GPR143: variants seen among roughly 807,000 people sequenced by gnomAD.
GPR143 encodes G-protein coupled receptor 143.
GPR143 carries 8 observed loss-of-function variants against 27.6 expected under a neutral mutation model. That is an observed-to-expected ratio of 0.29 (90% confidence interval 0.17 to 0.52). The LOEUF (loss-of-function observed/expected upper bound fraction) is 0.52, where lower values mean the gene tolerates loss of function less well. Ranked by LOEUF, GPR143 falls within the 20% of genes least tolerant of loss-of-function variation. The pLI is 0.96. For missense variants in GPR143, 303 were observed against 343.1 expected (o/e 0.88, Z 0.92); for synonymous variants, 156 against 153.2 (o/e 1.02, Z -0.13).
upstream of GPR143, chrX:9,765,925 C>T (rs770000435): frequency 8.8e-6 from 7 of 798,663 alleles, 1 homozygote; most frequent in Admixed American, 3.4e-4. Context: ...GCCTCTCCCC[C>T]ACCCCAACCC....
At chrX:9,743,916 A>G (rs1569118993) in intron 5 of GPR143, among the ~76,000 whole-genome samples, 1 of 112,886 alleles carries the variant, frequency 8.9e-6, no homozygotes. Flanking sequence ...TGCAAAGATA[A>G]AAGATAGCAC....
At chrX:9,727,001 C>T (rs2083330730) in intron 8 of GPR143, among the ~76,000 whole-genome samples, 1 of 112,467 alleles carries the variant, frequency 8.9e-6, no homozygotes, top group Non-Finnish European at 1.9e-5. Flanking sequence ...CTGATAGTGA[C>T]AGGAGGCAGC....
chrX:9,766,128 C>G (rs1378700527), upstream of GPR143: 1 of 171,664 alleles, frequency 5.8e-6, no homozygotes, highest in Admixed American at 8.2e-5. Context: ...ACCTTTCTCC[C>G]CATTCACCAA....
At chrX:9,755,281 G>A (rs897565727) in intron 3 of GPR143, among the ~76,000 whole-genome samples, 2 of 111,299 alleles carry the variant, frequency 1.8e-5, no homozygotes, top group African/African-American at 6.5e-5. Flanking sequence ...AGCTGGTCAT[G>A]GTGGCAGGCA....
intron 7 of GPR143, 191 bp downstream of exon 7, chrX:9,741,147 G>A: frequency 2.9e-6 from 1 of 348,582 alleles, no homozygotes; most frequent in Non-Finnish European, 5.1e-6. Flanking sequence ...TGCCCAGGGT[G>A]GAGGCATACA....
At chrX:9,766,587 G>A (rs1297252549), upstream of GPR143, among the ~76,000 whole-genome samples, 2 of 111,777 alleles carry the variant, frequency 1.8e-5, no homozygotes, top group African/African-American at 6.5e-5. Flanking sequence ...TTAGCCCGGT[G>A]TGGTGGCCCA....
chrX:9,753,674 G>GC (rs971147065), intron 3 of GPR143, among the ~76,000 whole-genome samples: 3 of 111,206 alleles, frequency 2.7e-5, no homozygotes, highest in African/African-American at 9.8e-5. Flanking sequence ...GGCCCTCACA[G>GC]CCCCCCAGCG....
At chrX:9,736,185 A>G (rs2083378672) in intron 8 of GPR143, among the ~76,000 whole-genome samples, 1 of 111,513 alleles carries the variant, frequency 9.0e-6, no homozygotes, top group Admixed American at 9.6e-5. Context: ...AAGATTTAGA[A>G]GGGATCCTAA....
chrX:9,771,770 G>A (rs2146709475), intron 1 of GPR143, among the ~76,000 whole-genome samples: 1 of 98,789 alleles, frequency 1.0e-5, no homozygotes, highest in Non-Finnish European at 2.0e-5. Context: ...GCAATAGAGT[G>A]GTGTGATCTT....
chrX:9,737,526 C>G (rs187420979), intron 8 of GPR143, among the ~76,000 whole-genome samples: 2 of 111,307 alleles, frequency 1.8e-5, no homozygotes, highest in East Asian at 5.7e-4. Context: ...GCCATAGAGA[C>G]AGAAAGGAGA....
intron 3 of GPR143, 76 bp from the exon 4 acceptor site, chrX:9,748,742 G>A: frequency 1.5e-6 from 1 of 684,594 alleles, no homozygotes; most frequent in Non-Finnish European, 2.4e-6. Flanking sequence ...GCCAGCTCCT[G>A]CGCTCTGGAA....
intron 1 of GPR143, among the ~76,000 whole-genome samples, chrX:9,776,907 A>G (rs1358129049): frequency 1.8e-5 from 2 of 111,167 alleles, no homozygotes; most frequent in African/African-American, 3.3e-5. Flanking sequence ...GGGTTTCACC[A>G]TGTTGCCCAG....
At chrX:9,776,549 CTTTTT>C (rs145411367) in intron 1 of GPR143, among the ~76,000 whole-genome samples, 7 of 71,601 alleles carry the variant, frequency 9.8e-5, no homozygotes, top group Non-Finnish European at 1.8e-4. Context: ...CCATGCCTAG[CTTTTT>C]TTTTTTTTTT....
upstream of GPR143, among the ~76,000 whole-genome samples, chrX:9,766,657 T>G (rs971407299): frequency 1.8e-5 from 2 of 111,448 alleles, no homozygotes; most frequent in Non-Finnish European, 3.8e-5. Context: ...GCCCAGGAGG[T>G]GGAGTTTGCA....
upstream of GPR143, among the ~76,000 whole-genome samples, chrX:9,767,082 A>G (rs557986529): frequency 6.9e-4 from 77 of 111,481 alleles, no homozygotes; most frequent in African/African-American, 2.4e-3. Flanking sequence ...TAATTTTTCT[A>G]TGTTTTCTCA....
upstream of GPR143, among the ~76,000 whole-genome samples, chrX:9,768,756 C>A (rs1230378480): frequency 9.1e-6 from 1 of 110,267 alleles, no homozygotes; most frequent in Non-Finnish European, 1.9e-5. Flanking sequence ...CAGCTCACTG[C>A]AATCTCTGCC....
At chrX:9,731,269 T>C (rs1432378316) in intron 8 of GPR143, among the ~76,000 whole-genome samples, 1 of 111,195 alleles carries the variant, frequency 9.0e-6, no homozygotes, top group Non-Finnish European at 1.9e-5. Flanking sequence ...TTAGGGAGCC[T>C]GAGGCAGGAG....
intron 6 of GPR143, among the ~76,000 whole-genome samples, chrX:9,742,362 A>C (rs190014236): frequency 9.0e-6 from 1 of 111,226 alleles, no homozygotes; most frequent in African/African-American, 3.3e-5. Flanking sequence ...TCGAACTCCT[A>C]GGCTCAAGTG....
chrX:9,730,997 G>C (rs952788201), intron 8 of GPR143, among the ~76,000 whole-genome samples: 5 of 111,864 alleles, frequency 4.5e-5, no homozygotes, highest in African/African-American at 1.6e-4. Context: ...AATCAGCAGG[G>C]TTCCACTGAA....
Sources: gnomAD v4.1 joint callset for allele counts (sites outside exome capture counted in the v4.1 genomes callset) on GRCh38, gnomAD v4.1.1 for gene constraint, MANE v1.5 for transcripts, NCBI Gene and HGNC (gene_info 2026-07-23, HGNC 2026-07-21) for gene names.